The following IGFBP7 variants were observed in gnomAD, a reference collection of about 807,000 sequenced individuals.
The protein encoded by IGFBP7 is insulin-like growth factor-binding protein 7.
A neutral mutation model predicts 29.4 loss-of-function variants in IGFBP7; 31 were observed. That is an observed-to-expected ratio of 1.05 (90% CI 0.79 to 1.42). The LOEUF (loss-of-function observed/expected upper bound fraction) is 1.42, where lower values mean the gene tolerates loss of function less well. Ranked by LOEUF, IGFBP7 falls within the 40% of genes most tolerant of loss-of-function variation. The pLI is 0.00. For synonymous variants in IGFBP7, 172 were observed against 174.9 expected (o/e 0.98, Z 0.13); for missense variants, 393 against 395.5 (o/e 0.99, Z 0.05).
intron 1 of IGFBP7, chr4:57,072,737 G>T (rs1725084562): frequency 4.1e-6 from 2 of 483,302 alleles, no homozygotes; most frequent in Non-Finnish European, 4.1e-6. Context: ...TAGTGACACA[G>T]GGATTTCTGC....
intron 1 of IGFBP7, among the ~76,000 whole-genome samples, chr4:57,046,575 C>T (rs183654486): frequency 4.5e-4 from 69 of 152,248 alleles, no homozygotes; most frequent in Non-Finnish European, 9.1e-4. Flanking sequence ...TGTTTGGATT[C>T]CGTTTAAAAC....
intron 1 of IGFBP7, among the ~76,000 whole-genome samples, chr4:57,054,448 C>A (rs569165851): frequency 1.3e-5 from 2 of 152,108 alleles, no homozygotes; most frequent in African/African-American, 2.4e-5. Flanking sequence ...TCCTGGCTAA[C>A]ATGGTGAAAA....
Position 57,110,260 on chromosome 4 carries a change from G to A in IGFBP7, c.92C>T (p.Thr31Ile), listed in dbSNP as rs1359909683. Residue 31 changes from threonine (T) to isoleucine (I), a missense_variant, in exon 1 of 5, where the codon ACC becomes ATC. Thr to Ile is a moderately conservative substitution (Grantham distance 89). Transcript: ENST00000295666. ...GGAGGCCGGCTCGCAGGGGCCGCAG[G>A]TGTCCGAAGAGGAGGAAGAGGAGAG... is the stretch of plus-strand genomic sequence containing the variant. ...LPLSSSSSSD[T>I]CGPCEPASCP... 7.0e-7 allele frequency: 1 copy of A among 1,419,540 alleles called. No homozygotes were observed. Among genetic ancestry groups the A allele is most frequent in the Non-Finnish European group, 9.2e-7 (1 of 1,088,116 alleles). The allele number at this position is 1,419,540 out of a possible 1,614,324, so 87.9% of individuals were successfully genotyped here.
At chr4:57,077,303 T>G (rs943115731) in intron 1 of IGFBP7, among the ~76,000 whole-genome samples, 36 of 152,178 alleles carry the variant, frequency 2.4e-4, no homozygotes, top group African/African-American at 7.7e-4. Context: ...AGACAGAGTC[T>G]CACTCTGTCT....
At chr4:57,086,508 T>C (rs1725501593) in intron 1 of IGFBP7, among the ~76,000 whole-genome samples, 1 of 152,178 alleles carries the variant, frequency 6.6e-6, no homozygotes, top group Non-Finnish European at 1.5e-5. Flanking sequence ...ACCTCATTAC[T>C]GCCCTCTGTG....
At chr4:57,057,107 G>A (rs540858730) in intron 1 of IGFBP7, among the ~76,000 whole-genome samples, 39 of 152,208 alleles carry the variant, frequency 2.6e-4, no homozygotes, top group African/African-American at 9.4e-4. Context: ...TAGGGCTCAA[G>A]AGATCCTCCC....
chr4:57,043,613 T>A (rs551646143), intron 1 of IGFBP7, among the ~76,000 whole-genome samples: 1 of 152,216 alleles, frequency 6.6e-6, no homozygotes, highest in Non-Finnish European at 1.5e-5. Flanking sequence ...ATATTTTTAT[T>A]TTTGTAGGAA....
rs193163295 is a variant in IGFBP7 at position 57,046,864 on chromosome 4, C to A, written c.476-5931G>T. On this transcript the variant is annotated intron_variant, in intron 1 of 4. Coordinates refer to ENST00000295666, the MANE Select transcript of IGFBP7 (RefSeq NM_001553.3). ...ATTTTTCTATCCAGATGACTGTACCCAAACCAGGCTACCCCACTTTCCTTT... is the reference window on the plus strand; with the variant it reads ...ATTTTTCTATCCAGATGACTGTACCAAAACCAGGCTACCCCACTTTCCTTT... Among the ~76,000 whole-genome samples, 226 of 152,312 alleles carry A rather than the reference C, an allele frequency of 1.5e-3. 1 individual carries two copies. Among genetic ancestry groups the A allele is most frequent in the African/African-American group, 5.2e-3 (215 of 41,556 alleles).
At chr4:57,100,691 T>A (rs898174995) in intron 1 of IGFBP7, among the ~76,000 whole-genome samples, 1 of 152,218 alleles carries the variant, frequency 6.6e-6, no homozygotes, top group African/African-American at 2.4e-5. Context: ...CCTAAAACTT[T>A]TTCACACCCA....
intron 1 of IGFBP7, among the ~76,000 whole-genome samples, chr4:57,050,943 C>T (rs1724490407): frequency 6.6e-6 from 1 of 152,098 alleles, no homozygotes; most frequent in Non-Finnish European, 1.5e-5. Flanking sequence ...CAACACTCAC[C>T]TTGACTCTTG....
At chr4:57,109,780 G>A in intron 1 of IGFBP7, 97 bp downstream of exon 1, 1 of 1,383,188 alleles carries the variant, frequency 7.2e-7, no homozygotes, top group South Asian at 1.5e-5. Context: ...GAATCGCAGT[G>A]AGCAGCGCGG....
At chr4:57,078,516 ACT>A (rs777643202) in intron 1 of IGFBP7, among the ~76,000 whole-genome samples, 1 of 151,888 alleles carries the variant, frequency 6.6e-6, no homozygotes, top group Non-Finnish European at 1.5e-5. Context: ...TAAAAGATCC[ACT>A]GTTTGCCTTC....
At chr4:57,059,579 A>G (rs1724750964) in intron 1 of IGFBP7, among the ~76,000 whole-genome samples, 1 of 152,126 alleles carries the variant, frequency 6.6e-6, no homozygotes, top group South Asian at 2.1e-4. Flanking sequence ...GGAACAACAG[A>G]CACTGGGTCT....
At chr4:57,103,660 C>CTTTTT (rs59173874) in intron 1 of IGFBP7, among the ~76,000 whole-genome samples, 20,733 of 86,758 alleles carry the variant, frequency 0.24, 4,342 homozygotes, top group Non-Finnish European at 0.33. Context: ...TTTTTCTTTT[C>CTTTTT]TTTTTTTTTT....
intron 1 of IGFBP7, among the ~76,000 whole-genome samples, chr4:57,055,647 G>A (rs1724645547): frequency 2.3e-5 from 1 of 43,762 alleles, no homozygotes; most frequent in African/African-American, 5.5e-5. Flanking sequence ...GGTCATCGCG[G>A]TTCTCCTGGA....
intron 1 of IGFBP7, among the ~76,000 whole-genome samples, chr4:57,060,879 A>C (rs1050119849): frequency 6.6e-6 from 1 of 151,824 alleles, no homozygotes; most frequent in Non-Finnish European, 1.5e-5. Flanking sequence ...TGATTGCGCC[A>C]CTGCTCTCCA....
intron 1 of IGFBP7, among the ~76,000 whole-genome samples, chr4:57,067,010 C>T (rs1273489563): frequency 1.4e-5 from 2 of 146,836 alleles, no homozygotes; most frequent in East Asian, 4.0e-4. Context: ...GTCATAAAGT[C>T]CTCTCTCCAA....
chr4:57,073,065 C>A, intron 1 of IGFBP7: 1 of 1,460,090 alleles, frequency 6.8e-7, no homozygotes, highest in Non-Finnish European at 9.6e-7. Flanking sequence ...CTCTGGAAAC[C>A]CCCCACAGCT....
intron 2 of IGFBP7, among the ~76,000 whole-genome samples, chr4:57,038,052 G>A (rs920408740): frequency 1.3e-5 from 2 of 152,206 alleles, no homozygotes; most frequent in Non-Finnish European, 2.9e-5. Flanking sequence ...TCACTGTAAA[G>A]GATGGTATAG....
Sources: gnomAD v4.1 joint callset for allele counts (sites outside exome capture counted in the v4.1 genomes callset) on GRCh38, gnomAD v4.1.1 for gene constraint, MANE v1.5 for transcripts, NCBI Gene and HGNC (gene_info 2026-07-23, HGNC 2026-07-21) for gene names.